The following RAP1GAP2 variants were observed in gnomAD, a reference collection of about 807,000 sequenced individuals.
The protein encoded by RAP1GAP2 is rap1 GTPase-activating protein 2.
RAP1GAP2 carries 27 observed loss-of-function variants against 95.0 expected under a neutral mutation model. The ratio of observed to expected loss-of-function variants is 0.28; its 90% CI spans 0.21 to 0.39. RAP1GAP2 has a LOEUF of 0.39. RAP1GAP2 is among the 10% of genes least tolerant of loss of function. The pLI is 1.00. For synonymous variants in RAP1GAP2, 373 were observed against 380.9 expected, an observed-to-expected ratio of 0.98 and a Z score of 0.24; for missense variants, 771 against 970.0, an observed-to-expected ratio of 0.79 and a Z score of 2.72.
At chr17:2,908,429 A>G (rs1180857382) in intron 3 of RAP1GAP2, among the ~76,000 whole-genome samples, 1 of 152,174 alleles carries the variant, frequency 6.6e-6, no homozygotes, top group East Asian at 1.9e-4. Flanking sequence ...CTGGCGTCAT[A>G]TGGCGAATGC....
intron 3 of RAP1GAP2, among the ~76,000 whole-genome samples, chr17:2,910,675 C>T (rs970746099): frequency 6.6e-6 from 1 of 152,144 alleles, no homozygotes; most frequent in Non-Finnish European, 1.5e-5. Context: ...AATGACTCTC[C>T]CAACGCAACG....
intron 3 of RAP1GAP2, among the ~76,000 whole-genome samples, chr17:2,942,421 C>T (rs886632495): frequency 1.1e-4 from 16 of 152,066 alleles, no homozygotes; most frequent in Admixed American, 5.9e-4. Context: ...AGAATGATTA[C>T]GTTTGGTCCA....
upstream of RAP1GAP2, chr17:2,796,418 G>A: frequency 4.7e-6 from 6 of 1,270,080 alleles, no homozygotes; most frequent in Non-Finnish European, 6.7e-6. This position sits in a 1 kb window ranked among gnomAD's most constrained non-coding sequence, Gnocchi z 4.7. Context: ...GCCACGCTGG[G>A]CTCCCCGCCC....
At chr17:2,873,909 TGC>T (rs201278060) in intron 2 of RAP1GAP2, among the ~76,000 whole-genome samples, 1 of 84,970 alleles carries the variant, frequency 1.2e-5, no homozygotes, top group East Asian at 1.4e-3. Flanking sequence ...ATTACAGGCA[TGC>T]GCCACCACGC....
In RAP1GAP2 at chr17:2,797,427, A is replaced by G. The variant is rs942866468; in HGVS notation, c.44+856A>G. On this transcript the variant is annotated intron_variant, in intron 1 of 24. Coordinates refer to ENST00000254695, the MANE Select transcript of RAP1GAP2 (RefSeq NM_015085.5). This position sits in a 1 kb window ranked among gnomAD's most constrained non-coding sequence, Gnocchi z 5.6. ...TGGGGAACAGAGTCTGGTGGTTTTC[A>G]TGATCGGTTTCCTTTCAGTGCCTGG... 1.3e-5 allele frequency among the ~76,000 whole-genome samples: 2 copies of G among 151,940 alleles called. No individual in the cohort carries two copies. The highest frequency in any genetic ancestry group is 2.9e-5 in the Non-Finnish European group (2 of 67,976).
At chr17:2,858,215 G>A (rs1301436215) in intron 2 of RAP1GAP2, among the ~76,000 whole-genome samples, 1 of 152,160 alleles carries the variant, frequency 6.6e-6, no homozygotes, top group Non-Finnish European at 1.5e-5. Flanking sequence ...TTCTTATGGT[G>A]GGTAGTTATT....
chr17:2,827,849 T>C lies in RAP1GAP2; in HGVS notation c.80+27299T>C, dbSNP rs956872867. Among the ~76,000 whole-genome samples, 8 of 149,328 alleles carry C rather than the reference T, an allele frequency of 5.4e-5. No individual in the cohort carries two copies. Among genetic ancestry groups the C allele is most frequent in the African/African-American group, 9.9e-5 (4 of 40,510 alleles). ...TCCCCTTGAAAAACAAGGGGGAGGG[T>C]TCATACACGATCGGTTGCAGCAGGC... On this transcript the variant is annotated intron_variant, in intron 2 of 24. Transcript: ENST00000254695. The surrounding 1 kb of genome is among the most constrained non-coding windows in gnomAD (Gnocchi z 4.1).
rs571597115 is a variant in RAP1GAP2 at position 2,861,821 on chromosome 17, A to AT, written c.81-43457dup. On this transcript the variant is annotated intron_variant, in intron 2 of 24. Coordinates refer to ENST00000254695, the MANE Select transcript of RAP1GAP2 (RefSeq NM_015085.5). ...AGGTGCCCGCCACCATGCCCGGCTA[A>AT]TTTTTTGTATTTTTAGTAGAGACGG... Among the ~76,000 whole-genome samples the AT allele has an allele frequency of 4.7e-3, 718 of 151,940 alleles. 5 individuals are homozygous for AT. The highest frequency in any genetic ancestry group is 0.015 in the African/African-American group (641 of 41,442).
intron 2 of RAP1GAP2, among the ~76,000 whole-genome samples, chr17:2,874,980 C>T (rs775768352): frequency 2.6e-5 from 4 of 152,156 alleles, no homozygotes; most frequent in Admixed American, 6.5e-5. Flanking sequence ...AGAGTTTGCT[C>T]GGGCCAAAGT....
At position 2,995,516 on chromosome 17, in the gene RAP1GAP2, G is replaced by A. The variant is rs182829462; in HGVS notation, c.1044+50G>A. The stretch of plus-strand genomic sequence containing the variant: ...GGAGCCCAGGGCGGGCGAGGTGAGG[G>A]CCTGCCTCTGGTCTGACCTGCTAAG... On this transcript the variant is annotated intron_variant, in intron 13 of 24. Transcript: ENST00000254695. 2,997 of 1,607,848 alleles carry A rather than the reference G, an allele frequency of 1.9e-3. 5 individuals carry two copies. The highest frequency in any genetic ancestry group is 4.5e-3 in the Middle Eastern group (23 of 5,164).
At chr17:2,975,344 T>C (rs936588017) in intron 8 of RAP1GAP2, among the ~76,000 whole-genome samples, 1 of 152,214 alleles carries the variant, frequency 6.6e-6, no homozygotes, top group African/African-American at 2.4e-5. Context: ...ATTAAAAATA[T>C]AGCTATATTC....
intron 16 of RAP1GAP2, among the ~76,000 whole-genome samples, chr17:3,007,673 A>T (rs2046379610): frequency 6.6e-6 from 1 of 152,110 alleles, no homozygotes; most frequent in Admixed American, 6.5e-5. Flanking sequence ...GGAGAGGAGC[A>T]GTGGGGAGTT....
At chr17:2,784,973 G>A (rs912288316) in intron 1 of RAP1GAP2, among the ~76,000 whole-genome samples, 2 of 152,318 alleles carry the variant, frequency 1.3e-5, no homozygotes, top group Admixed American at 1.3e-4. Context: ...GGAGCTCTCC[G>A]CTTCTCCCTG....
intron 3 of RAP1GAP2, among the ~76,000 whole-genome samples, chr17:2,943,502 GTC>G (rs1408120387): frequency 6.6e-6 from 1 of 151,698 alleles, no homozygotes; most frequent in Non-Finnish European, 1.5e-5. Context: ...GTGAAATCCT[GTC>G]TCTACTAAAA....
At position 3,005,505 on chromosome 17, in the gene RAP1GAP2, A is replaced by G. The variant is rs932998421; in HGVS notation, c.1272+65A>G. The G allele has an allele frequency of 1.4e-5, 21 of 1,525,588 alleles. No homozygotes were observed. The Admixed American group carries it at 1.5e-4, about 11-fold the overall frequency. The allele number at this position is 1,525,588 out of a possible 1,614,324, so 94.5% of individuals were successfully genotyped here. On this transcript the variant is annotated intron_variant, in intron 15 of 24. Coordinates refer to ENST00000254695, the MANE Select transcript of RAP1GAP2 (RefSeq NM_015085.5). The surrounding 1 kb of genome is among the most constrained non-coding windows in gnomAD (Gnocchi z 5.2). ...GCCAGGTCTCAGTGCTTGAGTAGCAATGGTTGGGATGGAGCCAAATTCAGG... is the reference window on the plus strand; with the variant it reads ...GCCAGGTCTCAGTGCTTGAGTAGCAGTGGTTGGGATGGAGCCAAATTCAGG...
At chr17:2,926,320 C>T (rs1472936045) in intron 3 of RAP1GAP2, among the ~76,000 whole-genome samples, 3 of 152,172 alleles carry the variant, frequency 2.0e-5, no homozygotes, top group Non-Finnish European at 4.4e-5. Flanking sequence ...GGCATGATCT[C>T]TACAACCCAT....
upstream of RAP1GAP2, among the ~76,000 whole-genome samples, chr17:2,791,494 C>T (rs999273910): frequency 5.3e-5 from 8 of 152,240 alleles, no homozygotes; most frequent in Admixed American, 3.3e-4. Context: ...CTGTCTGTAA[C>T]ATGGGCACTG....
At position 2,827,297 on chromosome 17, in the gene RAP1GAP2, A is replaced by T. The variant is rs1399655446; in HGVS notation, c.80+26747A>T. 9.9e-5 allele frequency among the ~76,000 whole-genome samples: 15 copies of T among 152,090 alleles called. No individual in the cohort carries two copies. Among genetic ancestry groups the T allele is most frequent in the Non-Finnish European group, 1.5e-5 (1 of 68,022 alleles). Reference sequence around the variant, plus strand: ...GCTCTCATTCCCAAAGCGTGTTCTGAGTGTGAGTCCTACAAAAGTGGACAA... The same window carrying T: ...GCTCTCATTCCCAAAGCGTGTTCTGTGTGTGAGTCCTACAAAAGTGGACAA... On this transcript the variant is annotated intron_variant, in intron 2 of 24. Transcript: ENST00000254695. The surrounding 1 kb of genome is among the most constrained non-coding windows in gnomAD (Gnocchi z 4.1).
At chr17:2,770,230 C>T in intron 1 of RAP1GAP2, 1 of 397,664 alleles carries the variant, frequency 2.5e-6, no homozygotes, top group Non-Finnish European at 4.4e-6. Flanking sequence ...TATTTGTAAA[C>T]AGGTACCCCT....
Sources: gnomAD v4.1 joint callset for allele counts (sites outside exome capture counted in the v4.1 genomes callset) on GRCh38, gnomAD v4.1.1 for gene constraint, Gnocchi (gnomAD v3.1) non-coding constraint, MANE v1.5 for transcripts, NCBI Gene and HGNC (gene_info 2026-07-23, HGNC 2026-07-21) for gene names.